Variants in ACACB observed in about 807,000 individuals in gnomAD.
ACACB encodes the protein acetyl-CoA carboxylase 2.
Under a neutral mutation model 278.8 loss-of-function variants are expected in ACACB, and 209 were observed. The ratio of observed to expected loss-of-function variants is 0.75; its 90% CI spans 0.67 to 0.84. The LOEUF is 0.84. ACACB is among the 40% of genes least tolerant of loss of function. The pLI is 0.00. For synonymous variants in ACACB, 1,174 were observed against 1,285.6 expected, an observed-to-expected ratio of 0.91 and a Z score of 1.86; for missense variants, 2,850 against 3,269.0, an observed-to-expected ratio of 0.87 and a Z score of 3.13.
intron 13 of ACACB, among the ~76,000 whole-genome samples, chr12:109,188,519 T>C (rs1172376271): frequency 6.6e-6 from 1 of 150,376 alleles, no homozygotes; most frequent in Non-Finnish European, 1.5e-5. Flanking sequence ...TCTTCCTCCT[T>C]CTTTCCTTCC....
chr12:109,184,689 T>C (rs2136242122), intron 11 of ACACB, among the ~76,000 whole-genome samples: 1 of 152,068 alleles, frequency 6.6e-6, no homozygotes, highest in South Asian at 2.1e-4. Context: ...TTTTTCATCC[T>C]TGACATTGGC....
intron 16 of ACACB, among the ~76,000 whole-genome samples, chr12:109,195,664 T>A (rs1362471499): frequency 6.6e-6 from 1 of 152,232 alleles, no homozygotes; most frequent in Admixed American, 6.5e-5. Flanking sequence ...GAGATCATGG[T>A]GCAAATGCAG....
rs1305911149 is a variant in ACACB at position 109,171,910 on chromosome 12, T to A, written c.1031T>A (p.Val344Glu). The A allele has an allele frequency of 1.9e-6, 3 of 1,613,478 alleles. No homozygotes were observed. The highest frequency in any genetic ancestry group is 2.5e-6 in the Non-Finnish European group (3 of 1,179,534). The part of the protein sequence containing the change: ...LIVDIAKRIP[V>E]QAVWAGWGHA... ...GTGGACATTGCCAAGAGAATCCCCG[T>A]GCAGGTAGATGGACTGGGGTGCCCA... Residue 344 changes from valine to glutamate, a missense_variant, in exon 5 of 53, where the codon GTG becomes GAG. This residue lies in a region of ACACB where 2,265 missense variants were observed against 2,561.3 expected (regional missense o/e 0.88). Coordinates refer to ENST00000338432, the MANE Select transcript of ACACB (RefSeq NM_001093.4).
intron 11 of ACACB, among the ~76,000 whole-genome samples, chr12:109,182,498 G>T (rs2044512635): frequency 6.6e-6 from 1 of 152,158 alleles, no homozygotes. Context: ...CTCCTGAGTA[G>T]CTGAGACTAC....
intron 34 of ACACB, 64 bp from the exon 35 acceptor site, chr12:109,239,766 C>G (rs2046740749): frequency 1.7e-5 from 25 of 1,484,158 alleles, no homozygotes; most frequent in Non-Finnish European, 2.2e-5. Context: ...GGCTGAGTTT[C>G]CAGCCAGCTG....
At position 109,266,928 on chromosome 12, in the gene ACACB, A is replaced by G. The variant is rs1017606749; in HGVS notation, c.*566A>G. The stretch of plus-strand genomic sequence containing the variant: ...GAATTTTTTTTTTTTTTTTTGAGAC[A>G]AAGTCTCACTGTGTCATGCAGGCTG... On this transcript the variant is annotated 3_prime_UTR_variant, in exon 53 of 53. Coordinates refer to ENST00000338432, the MANE Select transcript of ACACB (RefSeq NM_001093.4). The G allele has an allele frequency of 3.8e-5, 5 of 132,004 alleles. No homozygotes were observed. The highest frequency in any genetic ancestry group is 2.1e-4 in the East Asian group (1 of 4,688). The allele number at this position is 132,004 out of a possible 1,614,324, so 8.2% of individuals were successfully genotyped here.
intron 4 of ACACB, 75 bp downstream of exon 4, chr12:109,168,109 G>T: frequency 6.6e-7 from 1 of 1,512,352 alleles, no homozygotes; most frequent in Admixed American, 2.0e-5. Context: ...CTGTGCCTAG[G>T]CAAGTCCATC....
intron 1 of ACACB, among the ~76,000 whole-genome samples, chr12:109,130,710 A>G (rs1245783293): frequency 6.6e-6 from 1 of 152,170 alleles, no homozygotes; most frequent in Non-Finnish European, 1.5e-5. Context: ...CTTACGCCCC[A>G]GCAGCCACAC....
chr12:109,247,539 G>GA (rs144291284), intron 39 of ACACB, 67 bp from the exon 40 acceptor site: 51,553 of 905,198 alleles, frequency 0.057, 1 homozygote, highest in South Asian at 0.067. Flanking sequence ...TTCACATTAA[G>GA]AAAAAAAAAA....
At chr12:109,210,758 A>G (rs904294433) in intron 21 of ACACB, among the ~76,000 whole-genome samples, 3 of 151,760 alleles carry the variant, frequency 2.0e-5, no homozygotes, top group African/African-American at 7.3e-5. Flanking sequence ...ATACTAAAAA[A>G]AAAAAATTAG....
At chr12:109,243,571 C>T (rs566332041) in intron 37 of ACACB, among the ~76,000 whole-genome samples, 1 of 152,032 alleles carries the variant, frequency 6.6e-6, no homozygotes, top group Non-Finnish European at 1.5e-5. Context: ...TGCACTCTAG[C>T]CCTGGTGACA....
intron 16 of ACACB, among the ~76,000 whole-genome samples, chr12:109,194,512 A>ATGTGTGTGTGTG (rs370227666): frequency 0.03 from 2,618 of 88,428 alleles, 123 homozygotes; most frequent in African/African-American, 0.1. Context: ...CTGTGTGTGC[A>ATGTGTGTGTGTG]TGTGTGTGTG....
Position 109,245,763 on chromosome 12 carries a change from G to C in ACACB, c.5301+15G>C. On this transcript the variant is annotated intron_variant, in intron 38 of 52. Coordinates refer to ENST00000338432, the MANE Select transcript of ACACB (RefSeq NM_001093.4). ...GTGGAAATGAGGTAATAGCTCAGCGGAGCCTAACCCCTGGCTGGAGTCACC... is the reference window on the plus strand; with the variant it reads ...GTGGAAATGAGGTAATAGCTCAGCGCAGCCTAACCCCTGGCTGGAGTCACC... The C allele has an allele frequency of 6.2e-7, 1 of 1,612,878 alleles. No individual in the cohort carries two copies. The highest frequency in any genetic ancestry group is 8.5e-7 in the Non-Finnish European group (1 of 1,179,598).
At chr12:109,113,195 G>A (rs1282693893), upstream of ACACB, 1 of 152,226 alleles carries the variant, frequency 6.6e-6, no homozygotes, top group Admixed American at 6.5e-5. Context: ...GCAACGGCTG[G>A]GTCAGCCCAG....
intron 26 of ACACB, among the ~76,000 whole-genome samples, chr12:109,223,350 A>G (rs1169854574): frequency 1.3e-5 from 2 of 151,972 alleles, no homozygotes; most frequent in African/African-American, 2.4e-5. Context: ...CAGCTCTCCT[A>G]TGATTAAATA....
chr12:109,178,259 A>G (rs2044341861), intron 9 of ACACB, among the ~76,000 whole-genome samples: 1 of 152,218 alleles, frequency 6.6e-6, no homozygotes. Flanking sequence ...TTGCACGTGA[A>G]TACTTTTCAC....
At chr12:109,166,747 C>G (rs2043918963) in intron 2 of ACACB, 114 bp from the exon 3 acceptor site, 1 of 1,309,300 alleles carries the variant, frequency 7.6e-7, no homozygotes. Flanking sequence ...AAGTGCAAAG[C>G]AGGGGGGCTC....
Position 109,210,243 on chromosome 12 carries a change from A to ATATG in ACACB, c.3249+893_3249+894insGTAT, listed in dbSNP as rs1335110501. Among the ~76,000 whole-genome samples, 22 of 57,574 alleles carry ATATG rather than the reference A, an allele frequency of 3.8e-4. 2 individuals carry two copies. The highest frequency in any genetic ancestry group is 5.6e-4 in the Non-Finnish European group (18 of 32,078). The allele number at this position is 57,574 out of a possible 152,430, so 37.8% of individuals were successfully genotyped here. On this transcript the variant is annotated intron_variant, in intron 21 of 52. Transcript: ENST00000338432. ...CACATGTGTGTATATGTATATATGT[A>ATATG]TATATACACACATGTGTGTATATGT...
At chr12:109,246,087 A>G in intron 38 of ACACB, 92 bp from the exon 39 acceptor site, 1 of 1,388,914 alleles carries the variant, frequency 7.2e-7, no homozygotes, top group Non-Finnish European at 9.6e-7. Context: ...AAGACCCTGT[A>G]TCTAAAAAAA....
Sources: allele counts gnomAD v4.1 joint callset (sites outside exome capture counted in the v4.1 genomes callset), GRCh38; gene constraint gnomAD v4.1.1; regional missense constraint gnomAD v4.1.1; transcripts MANE v1.5; gene names NCBI Gene and HGNC (gene_info 2026-07-23, HGNC 2026-07-21).